The following PPRC1 variants were observed in gnomAD, a reference collection of about 807,000 sequenced individuals.
PPRC1 encodes the protein PPARG related coactivator 1.
In PPRC1, 23 loss-of-function variants were observed where a neutral mutation model predicts 132.5. The observed-to-expected ratio is 0.17, with a 90% CI of 0.12 to 0.25. The LOEUF (loss-of-function observed/expected upper bound fraction) is 0.25, where lower values mean the gene tolerates loss of function less well. Ranked by LOEUF, PPRC1 falls within the 10% of genes least tolerant of loss-of-function variation. The pLI is 1.00. For synonymous variants in PPRC1, 872 were observed against 833.5 expected (o/e 1.05, Z -0.80); for missense variants, 2,006 against 2,089.1 (o/e 0.96, Z 0.78).
chr10:102,131,149 C>T (rs187121504), upstream of PPRC1, among the ~76,000 whole-genome samples: 8 of 148,362 alleles, frequency 5.4e-5, no homozygotes, highest in South Asian at 2.1e-4. Context: ...GAGCCAAGAT[C>T]GCGCCACTGC....
At chr10:102,120,131 G>A in the PPRC1 span, 2 of 1,332,994 alleles carry the variant, frequency 1.5e-6, no homozygotes. Context: ...CCCGCCTCTG[G>A]GGGCCCAGCC....
Position 102,146,915 on chromosome 10 carries a change from A to C in PPRC1, c.3923A>C (p.Lys1308Thr), listed in dbSNP as rs147128914. 1.1e-5 allele frequency: 17 copies of C among 1,614,006 alleles called. No individual in the cohort carries two copies. In the African/African-American group the frequency reaches 2.0e-4, roughly 19 times the overall value. The change falls in exon 9 of 14, where the codon AAG becomes ACG. Residue 1308 changes from lysine (K) to threonine (T), a missense_variant. Around this residue, in one of 2 missense-constraint regions of PPRC1, gnomAD observed 1,914 missense variants for 1,917.2 expected, o/e 1.00. Coordinates refer to ENST00000278070, the MANE Select transcript of PPRC1 (RefSeq NM_015062.5). ...GTCCGGAGCAGGACCCCCCCAAAAA[A>C]GATGCCTGCCCTAGTCATTCCAGAG... ...YCVRSRTPPK[K>T]MPALVIPEVG...
At chr10:102,123,961 C>A in the PPRC1 span, among the ~76,000 whole-genome samples, 1 of 151,742 alleles carries the variant, frequency 6.6e-6, no homozygotes, top group African/African-American at 2.4e-5. Flanking sequence ...CTGCCTCAGC[C>A]TGCTGAGTAC....
In PPRC1 at chr10:102,139,290, C is replaced by G. The variant is rs143974270; in HGVS notation, c.782C>G (p.Ala261Gly). The part of the protein sequence containing the change: ...EVASFSGQIL[A>G]GELDNCVSSI... ...GCCAGCTTCAGTGGCCAGATTCTTG[C>G]CGGGGAGCTTGACAACTGTGTGAGC... Residue 261 changes from alanine to glycine, a missense_variant, in exon 5 of 14, where the codon GCC becomes GGC. By Grantham distance (60) the Ala-to-Gly change is moderately conservative (BLOSUM62 0). Transcript: ENST00000278070. The G allele has an allele frequency of 6.2e-7, 1 of 1,614,210 alleles. No homozygotes were observed. The highest frequency in any genetic ancestry group is 8.5e-7 in the Non-Finnish European group (1 of 1,180,030).
intron 5 of PPRC1, 108 bp downstream of exon 5, chr10:102,142,112 G>GT (rs547976088): frequency 7.5e-7 from 1 of 1,326,198 alleles, no homozygotes; most frequent in Non-Finnish European, 1.0e-6. Flanking sequence ...CTTTGGAGGA[G>GT]TTTTTTTGTT....
intron 7 of PPRC1, 107 bp from the exon 8 acceptor site, chr10:102,144,913 C>T (rs1292420240): frequency 2.2e-6 from 2 of 897,914 alleles, no homozygotes; most frequent in Admixed American, 4.5e-5. Flanking sequence ...GTTTGTGCAT[C>T]CCATTCTTCT....
In PPRC1 at chr10:102,147,369, C is replaced by A; in HGVS notation, c.4377C>A (p.Ser1459=). 6.2e-7 allele frequency: 1 copy of A among 1,606,530 alleles called. No homozygotes were observed. Residue 1459 remains serine (S), a synonymous_variant, in exon 9 of 14, where the codon TCC becomes TCA. Coordinates refer to ENST00000278070, the MANE Select transcript of PPRC1 (RefSeq NM_015062.5). The stretch of plus-strand genomic sequence containing the variant: ...CCCGATCTCGGTCCAGGTCCCTCTC[C>A]CCCCCACACAAGAGGTGGCGAAGGT... ...SSSRSRSRSL[S]PPHKRWRRSS...
At chr10:102,133,634 C>T (rs1246782409) in intron 1 of PPRC1, among the ~76,000 whole-genome samples, 1 of 152,002 alleles carries the variant, frequency 6.6e-6, no homozygotes, top group Non-Finnish European at 1.5e-5. Context: ...CTCTAGGCGG[C>T]CCGGGCATCC....
At chr10:102,134,353 CATACACTG>C (rs1307497291) in intron 1 of PPRC1, among the ~76,000 whole-genome samples, 9 of 152,112 alleles carry the variant, frequency 5.9e-5, no homozygotes, top group African/African-American at 2.2e-4. Flanking sequence ...AACAGTTGAA[CATACACTG>C]GATGAGGAGG....
Position 102,138,386 on chromosome 10 carries a change from G to A in PPRC1, c.343-233G>A, listed in dbSNP as rs538010215. On this transcript the variant is annotated intron_variant, in intron 2 of 13. Coordinates refer to ENST00000278070, the MANE Select transcript of PPRC1 (RefSeq NM_015062.5). Reference sequence around the variant, plus strand: ...GCATCCCACATCTTATCTGAGGGTAGGGGAATGTGTGAAACCCAAGCTTGA... The same window carrying A: ...GCATCCCACATCTTATCTGAGGGTAAGGGAATGTGTGAAACCCAAGCTTGA... Among the ~76,000 whole-genome samples, 16 of 152,338 alleles carry A rather than the reference G, an allele frequency of 1.1e-4. No individual in the cohort carries two copies. In the East Asian group the frequency reaches 2.7e-3, roughly 26 times the overall value.
chr10:102,147,104 C>G lies in PPRC1; in HGVS notation c.4112C>G (p.Ala1371Gly). 1 of 1,614,172 alleles carries G rather than the reference C, an allele frequency of 6.2e-7. No individual in the cohort carries two copies. The highest frequency in any genetic ancestry group is 8.5e-7 in the Non-Finnish European group (1 of 1,180,034). Residue 1371 changes from alanine to glycine, a missense_variant, in exon 9 of 14, where the codon GCC becomes GGC. This residue lies in a region of PPRC1 where 1,914 missense variants were observed against 1,917.2 expected (regional missense o/e 1.00). Coordinates refer to ENST00000278070, the MANE Select transcript of PPRC1 (RefSeq NM_015062.5). ...GCAGATCCCTCAGCACCCTGCCTTG[C>G]CCCATCCAGCTTGCTGTCCCCTGAG... ...EQADPSAPCLAPSSLLSPEAS... is the reference protein window; with the variant it reads ...EQADPSAPCLGPSSLLSPEAS...
At chr10:102,122,491 C>G in the PPRC1 span, among the ~76,000 whole-genome samples, 1 of 146,256 alleles carries the variant, frequency 6.8e-6, no homozygotes, top group African/African-American at 2.5e-5. Flanking sequence ...TAAGATTATC[C>G]AATTCCAAGA....
chr10:102,147,170 C>G lies in PPRC1; in HGVS notation c.4178C>G (p.Pro1393Arg). 2 of 1,614,212 alleles carry G rather than the reference C, an allele frequency of 1.2e-6. No individual in the cohort carries two copies. The highest frequency in any genetic ancestry group is 1.7e-6 in the Non-Finnish European group (2 of 1,180,042). Residue 1393 changes from proline to arginine, a missense_variant, in exon 9 of 14, where the codon CCT becomes CGT. Physicochemically the swap from Pro to Arg is moderately radical, Grantham distance 103. Transcript: ENST00000278070. ...AATGACATGAACACTAGGACTCCCC[C>G]TGAACCCTCAGCCAAGCAGCGGTCA... is the stretch of plus-strand genomic sequence containing the variant. The part of the protein sequence containing the change: ...CRNDMNTRTP[P>R]EPSAKQRSMR...
rs748875671 is a variant in PPRC1 at position 102,143,052 on chromosome 10, G to A, written c.3504G>A (p.Glu1168=). The A allele has an allele frequency of 1.2e-6, 2 of 1,613,200 alleles. No individual in the cohort carries two copies. Among genetic ancestry groups the A allele is most frequent in the Non-Finnish European group, 8.5e-7 (1 of 1,179,342 alleles). The change falls in exon 6 of 14, where the codon GAG becomes GAA. Residue 1168 remains glutamate (E), a synonymous_variant. Coordinates refer to ENST00000278070, the MANE Select transcript of PPRC1 (RefSeq NM_015062.5). ...VQAFISEIGI[E]ASDLSSLLEQ... ...TGTTGTGTGCCTCCACAGGAATTGA[G>A]GCATCGGACCTGTCCAGTCTGCTGG...
chr10:102,142,300 A>G (rs1344859285), intron 5 of PPRC1, among the ~76,000 whole-genome samples: 1 of 117,686 alleles, frequency 8.5e-6, no homozygotes. Flanking sequence ...ACGAGGTTTC[A>G]CTATGTTGGC....
In PPRC1 at chr10:102,147,244, G is replaced by A. The variant is rs753362452; in HGVS notation, c.4252G>A (p.Gly1418Ser). The A allele has an allele frequency of 4.3e-6, 7 of 1,613,152 alleles. No individual in the cohort carries two copies. In the South Asian group the frequency reaches 5.5e-5, roughly 13 times the overall value. ...CAGGTCAGCCAGCCCCTCAAGCCAG[G>A]GCTGGCAGGGCCGCCGAGGCCGCAA... is the stretch of plus-strand genomic sequence containing the variant. ...ACRSASPSSQ[G>S]WQGRRGRNSR... is the part of the protein sequence containing the mutation. The change falls in exon 9 of 14, where the codon GGC becomes AGC. Residue 1418 changes from glycine to serine, a missense_variant. Physicochemically the swap from Gly to Ser is moderately conservative, Grantham distance 56. This residue lies in a region of PPRC1 where 1,914 missense variants were observed against 1,917.2 expected (regional missense o/e 1.00). Transcript: ENST00000278070.
In PPRC1 at chr10:102,140,693, G is replaced by A. The variant is rs200991271; in HGVS notation, c.2185G>A (p.Val729Ile). ...PKTIIPEVKE[V>I]VDSLKIESGT... ...GACCATCATCCCTGAAGTCAAAGAG[G>A]TTGTGGATTCTCTGAAAATTGAAAG... The change falls in exon 5 of 14, where the codon GTT becomes ATT. Residue 729 changes from valine (V) to isoleucine (I), a missense_variant. Val to Ile is a conservative substitution (Grantham distance 29, BLOSUM62 3). Transcript: ENST00000278070. 5.8e-5 allele frequency: 94 copies of A among 1,613,954 alleles called. No individual in the cohort carries two copies. Among genetic ancestry groups the A allele is most frequent in the Middle Eastern group, 4.9e-4 (3 of 6,084 alleles).
At position 102,137,897 on chromosome 10, in the gene PPRC1, T is replaced by A. The variant is rs765810366; in HGVS notation, c.201T>A (p.Ser67=). The stretch of plus-strand genomic sequence containing the variant: ...GTGATTCTGGCTTTGTCAGTCTCTC[T>A]CGGCTGGGCCCATCTCTGAGGGACA... ...EAGDSGFVSL[S]RLGPSLRDKD... is the part of the protein sequence containing the mutation. The change falls in exon 2 of 14, where the codon TCT becomes TCA. Residue 67 remains serine (S), a synonymous_variant. Coordinates refer to ENST00000278070, the MANE Select transcript of PPRC1 (RefSeq NM_015062.5). The A allele has an allele frequency of 6.2e-7, 1 of 1,614,076 alleles. No individual in the cohort carries two copies. The highest frequency in any genetic ancestry group is 8.5e-7 in the Non-Finnish European group (1 of 1,180,006).
intron 1 of PPRC1, among the ~76,000 whole-genome samples, chr10:102,136,880 CGA>C (rs1272044205): frequency 6.6e-6 from 1 of 152,158 alleles, no homozygotes; most frequent in East Asian, 1.9e-4. Flanking sequence ...ATGCCTGACA[CGA>C]GAGGCCGTAA....
Sources: allele counts gnomAD v4.1 joint callset (sites outside exome capture counted in the v4.1 genomes callset), GRCh38; gene constraint gnomAD v4.1.1; regional missense constraint gnomAD v4.1.1; transcripts MANE v1.5; gene names NCBI Gene and HGNC (gene_info 2026-07-23, HGNC 2026-07-21).